Variants in FSTL5 observed in about 807,000 individuals in gnomAD.
FSTL5 encodes follistatin-related protein 5.
Under a neutral mutation model 89.1 loss-of-function variants are expected in FSTL5, and 62 were observed. The ratio of observed to expected loss-of-function variants is 0.70; its 90% CI spans 0.57 to 0.86. The LOEUF is 0.86. FSTL5 is among the 40% of genes least tolerant of loss of function. The probability of loss-of-function intolerance (pLI) is 0.00; values close to 1 mark genes in which losing one functional copy is unlikely to be tolerated. For synonymous variants in FSTL5, 383 were observed against 346.2 expected (o/e 1.11, Z -1.18); for missense variants, 1,057 against 1,001.6 (o/e 1.06, Z -0.75).
intron 4 of FSTL5, among the ~76,000 whole-genome samples, chr4:161,843,486 G>A (rs1731273965): frequency 6.6e-6 from 1 of 152,054 alleles, no homozygotes; most frequent in Non-Finnish European, 1.5e-5. Context: ...TCCCTTGTAA[G>A]TTGTATTCCT....
chr4:161,648,236 T>G (rs1578993858), intron 7 of FSTL5, among the ~76,000 whole-genome samples: 1 of 152,120 alleles, frequency 6.6e-6, no homozygotes. Flanking sequence ...GCCTATAGAC[T>G]GCAAAATAAA....
chr4:161,740,969 A>C (rs1053213001), intron 6 of FSTL5, among the ~76,000 whole-genome samples: 2 of 152,150 alleles, frequency 1.3e-5, no homozygotes, highest in Non-Finnish European at 2.9e-5. Context: ...TGACAGCAGC[A>C]AAGCAGCTCT....
chr4:161,402,634 C>T (rs1295784555), intron 15 of FSTL5, among the ~76,000 whole-genome samples: 2 of 152,100 alleles, frequency 1.3e-5, no homozygotes, highest in African/African-American at 4.8e-5. Context: ...AATGTTAGGT[C>T]CTTGGACTTG....
At chr4:161,713,061 C>T (rs1339944916) in intron 6 of FSTL5, among the ~76,000 whole-genome samples, 1 of 152,098 alleles carries the variant, frequency 6.6e-6, no homozygotes, top group Admixed American at 6.6e-5. Context: ...AACACAGTTG[C>T]CATGTCCAGA....
chr4:161,937,166 T>G (rs1406427999), intron 3 of FSTL5, among the ~76,000 whole-genome samples: 4 of 152,126 alleles, frequency 2.6e-5, no homozygotes, highest in African/African-American at 9.6e-5. Context: ...TAACAAAACC[T>G]GTAATTTATA....
intron 4 of FSTL5, among the ~76,000 whole-genome samples, chr4:161,787,017 T>C (rs868742406): frequency 1.1e-4 from 17 of 152,138 alleles, no homozygotes; most frequent in Admixed American, 2.0e-4. Context: ...TATTATGACC[T>C]TGACCAAAGA....
chr4:162,090,451 A>G (rs79421860), intron 2 of FSTL5, among the ~76,000 whole-genome samples: 12,427 of 152,150 alleles, frequency 0.082, 574 homozygotes, highest in East Asian at 0.18. Flanking sequence ...ATTTCTCAAA[A>G]AAAGACGTGG....
At chr4:162,105,088 C>G (rs2046334) in intron 2 of FSTL5, among the ~76,000 whole-genome samples, 151,952 of 152,312 alleles carry the variant, frequency 1, 75,796 homozygotes, top group Middle Eastern at 1. Flanking sequence ...GATTTATTGA[C>G]GTAAAACTGA....
intron 4 of FSTL5, among the ~76,000 whole-genome samples, chr4:161,856,123 T>G (rs1247444862): frequency 6.6e-6 from 1 of 152,078 alleles, no homozygotes; most frequent in Non-Finnish European, 1.5e-5. Context: ...GAAGCAAGAA[T>G]GTAATCTTTT....
chr4:161,798,957 G>A (rs1046261199), intron 4 of FSTL5, among the ~76,000 whole-genome samples: 6 of 151,648 alleles, frequency 4.0e-5, no homozygotes, highest in Non-Finnish European at 8.9e-5. Flanking sequence ...GCGCTAAGAA[G>A]TCGTTACAGT....
chr4:161,827,791 A>C (rs191302560), intron 4 of FSTL5, among the ~76,000 whole-genome samples: 5 of 152,110 alleles, frequency 3.3e-5, no homozygotes, highest in Admixed American at 3.3e-4. Context: ...GGCTGGTCTC[A>C]CTCCCATCAT....
chr4:162,096,128 C>T (rs1171440462), intron 2 of FSTL5, among the ~76,000 whole-genome samples: 1 of 151,816 alleles, frequency 6.6e-6, no homozygotes, highest in African/African-American at 2.4e-5. Flanking sequence ...TAAATTAATG[C>T]AATAACGCTT....
chr4:161,454,277 A>G (rs1733273514), intron 15 of FSTL5, among the ~76,000 whole-genome samples: 1 of 152,204 alleles, frequency 6.6e-6, no homozygotes, highest in South Asian at 2.1e-4. Flanking sequence ...AACATTGCTA[A>G]GCAAATATTT....
At chr4:161,469,130 A>T (rs1373381813) in intron 13 of FSTL5, among the ~76,000 whole-genome samples, 1 of 151,954 alleles carries the variant, frequency 6.6e-6, no homozygotes, top group Non-Finnish European at 1.5e-5. Flanking sequence ...AGTCTCTATT[A>T]TTTTCACTAC....
chr4:161,500,237 G>A (rs1261544940), intron 11 of FSTL5, 103 bp from the exon 12 acceptor site: 28 of 692,344 alleles, frequency 4.0e-5, no homozygotes, highest in Middle Eastern at 4.0e-4. Flanking sequence ...ACCAATTTTC[G>A]AAGTTGTGTA....
chr4:161,495,945 T>G (rs1017541348), intron 12 of FSTL5, among the ~76,000 whole-genome samples: 2 of 151,180 alleles, frequency 1.3e-5, no homozygotes, highest in Non-Finnish European at 3.0e-5. Context: ...AACTTTTCAC[T>G]GTGTAATCCT....
At chr4:161,843,976 A>G in intron 4 of FSTL5, among the ~76,000 whole-genome samples, 1 of 152,208 alleles carries the variant, frequency 6.6e-6, no homozygotes. Flanking sequence ...GCTTCTGCAC[A>G]GCAAAAGAAA....
chr4:161,501,970 A>G (rs28556918), intron 11 of FSTL5, among the ~76,000 whole-genome samples: 2,596 of 152,102 alleles, frequency 0.017, 68 homozygotes, highest in African/African-American at 0.058. Context: ...ACATAACAAA[A>G]CCATAATGTG....
intron 4 of FSTL5, among the ~76,000 whole-genome samples, chr4:161,843,946 G>C (rs1191898231): frequency 2.6e-5 from 4 of 152,088 alleles, no homozygotes; most frequent in Non-Finnish European, 5.9e-5. Flanking sequence ...TTGACAAATG[G>C]AATCTAATTA....
Sources: gnomAD v4.1 joint callset for allele counts (sites outside exome capture counted in the v4.1 genomes callset) on GRCh38, gnomAD v4.1.1 for gene constraint, MANE v1.5 for transcripts, NCBI Gene and HGNC (gene_info 2026-07-23, HGNC 2026-07-21) for gene names.